BNC1: variants seen among roughly 807,000 people sequenced by gnomAD.
The protein encoded by BNC1 is basonuclin zinc finger protein 1, also known as zinc finger protein basonuclin-1.
Under a neutral mutation model 66.5 loss-of-function variants are expected in BNC1, and 8 were observed. That is an observed-to-expected ratio of 0.12 (90% confidence interval 0.07 to 0.22). The LOEUF is 0.22. Among genes scored for constraint, BNC1 ranks in the 10% least tolerant of loss-of-function variants. The pLI is 1.00. For missense variants in BNC1, 1,069 were observed against 1,241.3 expected (o/e 0.86, Z 2.09); for synonymous variants, 454 against 452.6 (o/e 1.00, Z -0.04).
Position 83,258,058 on chromosome 15 carries a change from T to G in BNC1, c.2369A>C (p.His790Pro). 6.2e-7 allele frequency: 1 copy of G among 1,613,448 alleles called. No individual in the cohort carries two copies. Among genetic ancestry groups the G allele is most frequent in the Admixed American group, 1.7e-5 (1 of 60,014 alleles). The change falls in exon 5 of 5, where the codon CAT (histidine) becomes CCT (proline). Residue 790 changes from histidine (H) to proline (P), a missense_variant. His to Pro is a moderately conservative substitution (Grantham distance 77). Coordinates refer to ENST00000345382, the MANE Select transcript of BNC1 (RefSeq NM_001717.4). The part of the protein sequence containing the change: ...SQEALESSED[H>P]FRAAYLLKDV... The stretch of plus-strand genomic sequence containing the variant: ...TTTCAGAAGGTAAGCTGCACGGAAA[T>G]GATCTTCACTACTCTCCAATGCTTC...
intron 1 of BNC1, chr15:83,283,455 G>A (rs552906575): frequency 9.8e-6 from 12 of 1,218,532 alleles, no homozygotes; most frequent in African/African-American, 3.2e-5. Context: ...GCACGGAACC[G>A]ACGGGGCGCT....
intron 4 of BNC1, among the ~76,000 whole-genome samples, chr15:83,262,045 G>GTTTTT (rs5814139): frequency 5.4e-5 from 6 of 110,544 alleles, no homozygotes; most frequent in Non-Finnish European, 8.9e-5. Flanking sequence ...ACTAGTTCAT[G>GTTTTT]TTTTTTTTTT....
rs761648892 is a variant in BNC1, at chr15:83,257,551, T to C, written c.2876A>G (p.Lys959Arg). Residue 959 changes from lysine (K) to arginine (R), a missense_variant, in exon 5 of 5, where the codon AAA becomes AGA. By Grantham distance (26) the Lys-to-Arg change is conservative (BLOSUM62 2). This residue lies in a region of BNC1 where 657 missense variants were observed against 715.8 expected (regional missense o/e 0.92). Coordinates refer to ENST00000345382, the MANE Select transcript of BNC1 (RefSeq NM_001717.4). ...AAACATGGTGTTGCAGCCTGGTACT[T>C]TGCATTTGTGGAGCTGCCGGAGGTG... is the stretch of plus-strand genomic sequence containing the variant. ...TVHLRQLHKCKVPGCNTMFSS... is the reference protein window; with the variant it reads ...TVHLRQLHKCRVPGCNTMFSS... The C allele has an allele frequency of 1.2e-6, 2 of 1,614,118 alleles. No individual in the cohort carries two copies. The highest frequency in any genetic ancestry group is 1.3e-5 in the African/African-American group (1 of 75,010).
chr15:83,263,450 G>A lies in BNC1; in HGVS notation c.1801C>T (p.Pro601Ser). 6.2e-7 allele frequency: 1 copy of A among 1,614,196 alleles called. No homozygotes were observed. Among genetic ancestry groups the A allele is most frequent in the Non-Finnish European group, 8.5e-7 (1 of 1,180,028 alleles). Residue 601 changes from proline to serine, a missense_variant, in exon 4 of 5, where the codon CCT (proline) becomes TCT (serine). Around this residue, in one of 7 missense-constraint regions of BNC1, gnomAD observed 657 missense variants for 715.8 expected, o/e 0.92. Transcript: ENST00000345382. ...CAGGGCCTCTCCCCTTCAGGGAAAGGCTTCCCTAAGCCTCCTGACTGTACA... is the reference window on the plus strand; with the variant it reads ...CAGGGCCTCTCCCCTTCAGGGAAAGACTTCCCTAAGCCTCCTGACTGTACA... Reference protein sequence around the residue: ...QHVQSGGLGKPFPEGERPCHR... With the variant: ...QHVQSGGLGKSFPEGERPCHR...
Position 83,267,031 on chromosome 15 carries a change from G to A in BNC1, c.240C>T (p.Ser80=). 6.2e-7 allele frequency: 1 copy of A among 1,614,016 alleles called. No individual in the cohort carries two copies. Among genetic ancestry groups the A allele is most frequent in the Non-Finnish European group, 8.5e-7 (1 of 1,179,982 alleles). ...CATTGGACTGGACAATCTCCACCTG[G>A]CTTGTTGGATACATGGGGGGGATCC... ...KLRIPPMYPT[S]QVEIVQSNVV... Residue 80 remains serine, a synonymous_variant, in exon 3 of 5, where the codon AGC becomes AGT. Coordinates refer to ENST00000345382, the MANE Select transcript of BNC1 (RefSeq NM_001717.4).
chr15:83,270,680 G>C (rs190600853), intron 1 of BNC1, among the ~76,000 whole-genome samples: 1 of 152,126 alleles, frequency 6.6e-6, no homozygotes, highest in East Asian at 1.9e-4. Context: ...AAATTGGGTT[G>C]TTTACCTTTT....
chr15:83,257,116 TC>T lies in BNC1; in HGVS notation c.*325del. On this transcript the variant is annotated 3_prime_UTR_variant, in exon 5 of 5. Coordinates refer to ENST00000345382, the MANE Select transcript of BNC1 (RefSeq NM_001717.4). ...AGCCTCATTTAAAGCCACCCCCAGGTCCTGGGCCCACTGGTGTCGATCTGCA... is the reference window on the plus strand; with the variant it reads ...AGCCTCATTTAAAGCCACCCCCAGGTCTGGGCCCACTGGTGTCGATCTGCA... 1 of 347,640 alleles carries T rather than the reference TC, an allele frequency of 2.9e-6. No individual in the cohort carries two copies. Among genetic ancestry groups the T allele is most frequent in the Non-Finnish European group, 5.2e-6 (1 of 190,902 alleles). The allele number at this position is 347,640 out of a possible 1,614,324, so 21.5% of individuals were successfully genotyped here. A position where few individuals can be genotyped will look rare whatever the true frequency, so the allele number is the denominator to read the frequency against.
chr15:83,283,378 G>C (rs1441207314), intron 1 of BNC1: 1 of 1,329,224 alleles, frequency 7.5e-7, no homozygotes, highest in Non-Finnish European at 9.6e-7. Context: ...AGCAGCGGGA[G>C]ACCCCGCAGC....
In BNC1 at chr15:83,264,243, C is replaced by T. The variant is rs375408327; in HGVS notation, c.1008G>A (p.Gln336=). 10 of 1,614,080 alleles carry T rather than the reference C, an allele frequency of 6.2e-6. No homozygotes were observed. The highest frequency in any genetic ancestry group is 8.5e-6 in the Non-Finnish European group (10 of 1,180,046). The change falls in exon 4 of 5, where the codon CAG becomes CAA. Residue 336 remains glutamine, a synonymous_variant. Transcript: ENST00000345382. ...GCTTCACTTTGGCCTCAGGGGATAA[C>T]TGTGTCCTTTCAAACTTAGTGACAA... ...YNIVTKFERT[Q]LSPEAKVKPE...
intron 1 of BNC1, chr15:83,283,353 C>A: frequency 7.3e-7 from 1 of 1,374,824 alleles, no homozygotes; most frequent in Non-Finnish European, 9.5e-7. Flanking sequence ...CGGGTCTGGG[C>A]GGCGGCTCCG....
chr15:83,277,598 C>T (rs1450011164), intron 1 of BNC1, among the ~76,000 whole-genome samples: 3 of 152,176 alleles, frequency 2.0e-5, no homozygotes, highest in East Asian at 1.9e-4. Context: ...CATGAGCCAC[C>T]GCGCCTGGCC....
Position 83,257,735 on chromosome 15 carries a change from T to C in BNC1, c.2692A>G (p.Ser898Gly), listed in dbSNP as rs759047613. 2 of 1,614,130 alleles carry C rather than the reference T, an allele frequency of 1.2e-6. No individual in the cohort carries two copies. The change falls in exon 5 of 5, where the codon AGC (serine) becomes GGC (glycine). Residue 898 changes from serine to glycine, a missense_variant. Coordinates refer to ENST00000345382, the MANE Select transcript of BNC1 (RefSeq NM_001717.4). ...TACTCATCTTCCCCAGGGACAAGGC[T>C]CGACCCTTCACAGTTCCCATCACTG... is the stretch of plus-strand genomic sequence containing the variant. ...EDSDGNCEGS[S>G]LVPGEDEYPI...
intron 1 of BNC1, among the ~76,000 whole-genome samples, chr15:83,277,637 G>A (rs1048540740): frequency 6.6e-6 from 1 of 152,062 alleles, no homozygotes; most frequent in Admixed American, 6.6e-5. Context: ...CTTTTTAAAT[G>A]TTGAATATAG....
At chr15:83,277,599 G>A (rs1024639684) in intron 1 of BNC1, among the ~76,000 whole-genome samples, 7 of 152,146 alleles carry the variant, frequency 4.6e-5, no homozygotes, top group South Asian at 2.1e-4. Context: ...ATGAGCCACC[G>A]CGCCTGGCCA....
Position 83,263,763 on chromosome 15 carries a change from G to T in BNC1, c.1488C>A (p.Ala496=). The T allele has an allele frequency of 6.2e-7, 1 of 1,614,204 alleles. No homozygotes were observed. Among genetic ancestry groups the T allele is most frequent in the Non-Finnish European group, 8.5e-7 (1 of 1,180,038 alleles). Reference sequence around the variant, plus strand: ...GCGTGTTTGCTACCTCGGCAGGCGTGGCTGGACTGCGGTAGAAAGGAAGGA... The same window carrying T: ...GCGTGTTTGCTACCTCGGCAGGCGTTGCTGGACTGCGGTAGAAAGGAAGGA... ...QPVLPFYRSP[A]TPAEVANTPG... Residue 496 remains alanine, a synonymous_variant, in exon 4 of 5, where the codon GCC becomes GCA. Coordinates refer to ENST00000345382, the MANE Select transcript of BNC1 (RefSeq NM_001717.4).
Position 83,257,733 on chromosome 15 carries a change from G to A in BNC1, c.2694C>T (p.Ser898=). The A allele has an allele frequency of 6.2e-7, 1 of 1,614,110 alleles. No homozygotes were observed. Among genetic ancestry groups the A allele is most frequent in the Middle Eastern group, 1.6e-4 (1 of 6,062 alleles). ...GGTACTCATCTTCCCCAGGGACAAG[G>A]CTCGACCCTTCACAGTTCCCATCAC... The part of the protein sequence containing the change: ...EDSDGNCEGS[S]LVPGEDEYPI... Residue 898 remains serine, a synonymous_variant, in exon 5 of 5, where the codon AGC becomes AGT. Coordinates refer to ENST00000345382, the MANE Select transcript of BNC1 (RefSeq NM_001717.4).
intron 4 of BNC1, among the ~76,000 whole-genome samples, chr15:83,258,393 T>C (rs1254494998): frequency 6.6e-6 from 1 of 152,238 alleles, no homozygotes; most frequent in Non-Finnish European, 1.5e-5. Flanking sequence ...CAGTGTCTGT[T>C]TGATGTACTT....
rs1461873707 is a variant in BNC1 at position 83,271,380 on chromosome 15, G to GCGGAATAGGGCTGTTTAA, written c.100-3166_100-3149dup. Among the ~76,000 whole-genome samples, 11 of 152,324 alleles carry GCGGAATAGGGCTGTTTAA rather than the reference G, an allele frequency of 7.2e-5. No individual in the cohort carries two copies. The East Asian group carries it at 2.1e-3, about 29-fold the overall frequency. On this transcript the variant is annotated intron_variant, in intron 1 of 4. Coordinates refer to ENST00000345382, the MANE Select transcript of BNC1 (RefSeq NM_001717.4). ...CTGCAGCTAGGCATTTTCAGGTGATGCGGAATAGGGCTGTTTAAAACTGAG... is the reference window on the plus strand; with the variant it reads ...CTGCAGCTAGGCATTTTCAGGTGATGCGGAATAGGGCTGTTTAACGGAATAGGGCTGTTTAAAACTGAG...
Position 83,264,558 on chromosome 15 carries a change from G to C in BNC1, c.693C>G (p.His231Gln), listed in dbSNP as rs559177836. 6.2e-7 allele frequency: 1 copy of C among 1,614,152 alleles called. No individual in the cohort carries two copies. The highest frequency in any genetic ancestry group is 1.1e-5 in the South Asian group (1 of 91,072). Residue 231 changes from histidine (H) to glutamine (Q), a missense_variant, in exon 4 of 5, where the codon CAC becomes CAG. His to Gln is a conservative substitution (Grantham distance 24). Transcript: ENST00000345382. ...PVDKGNPSSI[H>Q]PFENLISNMT... ...TGTTGCTTATGAGGTTCTCAAAGGG[G>C]TGTATACTGCTGGGGTTTCCTTTGT...
Sources: gnomAD v4.1 joint callset for allele counts (sites outside exome capture counted in the v4.1 genomes callset) on GRCh38, gnomAD v4.1.1 for gene constraint, gnomAD v4.1.1 regional missense constraint, MANE v1.5 for transcripts, NCBI Gene and HGNC (gene_info 2026-07-23, HGNC 2026-07-21) for gene names.